The following STPG2 variants were observed in gnomAD, a reference collection of about 807,000 sequenced individuals.
STPG2 encodes sperm tail PG-rich repeat containing 2, also known as sperm-tail PG-rich repeat-containing protein 2.
A neutral mutation model predicts 54.2 loss-of-function variants in STPG2; 56 were observed. That is an observed-to-expected ratio of 1.03 (90% confidence interval 0.83 to 1.29). The LOEUF (loss-of-function observed/expected upper bound fraction) is 1.29. STPG2 is among the 50% of genes most tolerant of loss of function. STPG2 has a pLI of 0.00. For missense variants in STPG2, 596 were observed against 544.9 expected (o/e 1.09, Z -0.93); for synonymous variants, 200 against 181.8 (o/e 1.10, Z -0.81).
chr4:97,991,709 A>G (rs1233623190), intron 5 of STPG2, among the ~76,000 whole-genome samples: 1 of 152,074 alleles, frequency 6.6e-6, no homozygotes, highest in Non-Finnish European at 1.5e-5. Context: ...TTAATAGTTT[A>G]TATTCCCACC....
chr4:97,695,125 A>C (rs1021535989), intron 10 of STPG2, among the ~76,000 whole-genome samples: 2 of 151,960 alleles, frequency 1.3e-5, no homozygotes. Flanking sequence ...ACCCAAAAGC[A>C]TATAAAAAAG....
At chr4:97,698,148 A>C (rs549299233) in intron 10 of STPG2, among the ~76,000 whole-genome samples, 1 of 151,262 alleles carries the variant, frequency 6.6e-6, no homozygotes, top group African/African-American at 2.4e-5. Flanking sequence ...TTCAGCAAGA[A>C]CCTCAGCAGG....
chr4:98,074,955 ACT>A (rs60423323), intron 5 of STPG2, among the ~76,000 whole-genome samples: 59,349 of 151,740 alleles, frequency 0.39, 11,808 homozygotes, highest in Middle Eastern at 0.46. Context: ...AAAAATATAA[ACT>A]CTGAATTATG....
At chr4:97,791,912 G>A in intron 9 of STPG2, among the ~76,000 whole-genome samples, 1 of 151,340 alleles carries the variant, frequency 6.6e-6, no homozygotes, top group South Asian at 2.1e-4. Context: ...TATAGCAAAA[G>A]GAAAAAAAAT....
intron 10 of STPG2, among the ~76,000 whole-genome samples, chr4:97,667,977 T>G (rs747552310): frequency 7.9e-5 from 12 of 152,216 alleles, no homozygotes; most frequent in Admixed American, 1.3e-4. Flanking sequence ...GATTTATTTA[T>G]ATAACAGGAT....
chr4:97,443,285 C>T (rs772112902), intron 4 of STPG2, among the ~76,000 whole-genome samples: 1 of 152,090 alleles, frequency 6.6e-6, no homozygotes, highest in Non-Finnish European at 1.5e-5. Flanking sequence ...TTGGCCTTAT[C>T]GGGATCTCTA....
intron 8 of STPG2, among the ~76,000 whole-genome samples, chr4:97,928,519 T>C (rs529547104): frequency 1.3e-5 from 2 of 152,308 alleles, no homozygotes; most frequent in East Asian, 3.9e-4. Context: ...TATAATCATA[T>C]ACAAGGGTCT....
chr4:97,451,201 T>C (rs1466537924), intron 4 of STPG2, among the ~76,000 whole-genome samples: 1 of 151,590 alleles, frequency 6.6e-6, no homozygotes, highest in Non-Finnish European at 1.5e-5. Context: ...TGTCAGAGAG[T>C]GGTATGTTAG....
intron 7 of STPG2, among the ~76,000 whole-genome samples, chr4:97,951,012 T>TGCA (rs1204927574): frequency 1.3e-5 from 2 of 152,146 alleles, no homozygotes; most frequent in Non-Finnish European, 2.9e-5. Context: ...TTACAGACCC[T>TGCA]GCACTTGATG....
chr4:97,512,942 C>G (rs1731003267), intron 4 of STPG2, among the ~76,000 whole-genome samples: 1 of 152,076 alleles, frequency 6.6e-6, no homozygotes, highest in South Asian at 2.1e-4. Flanking sequence ...CTGACACTAT[C>G]TACCTGGAGA....
chr4:97,503,480 G>A (rs1730771194), intron 4 of STPG2, among the ~76,000 whole-genome samples: 1 of 151,494 alleles, frequency 6.6e-6, no homozygotes, highest in Admixed American at 6.6e-5. Flanking sequence ...ATATTCTAGT[G>A]TATTTCCTTA....
chr4:97,779,368 G>C (rs1006212332), intron 9 of STPG2, among the ~76,000 whole-genome samples: 1 of 152,106 alleles, frequency 6.6e-6, no homozygotes, highest in African/African-American at 2.4e-5. Flanking sequence ...GAAGTGAGAA[G>C]AGAAGTTTAG....
rs528069995 is a variant in STPG2 at position 97,631,196 on chromosome 4, A to G, written c.1321-72079T>C. 8.9e-4 allele frequency among the ~76,000 whole-genome samples: 135 copies of G among 152,164 alleles called. 1 individual carries two copies. The highest frequency in any genetic ancestry group is 3.2e-3 in the African/African-American group (133 of 41,582). ...AGAAGAAAAGTATTACAGAACCACT[A>G]TCTTAATGTTATTATTTCCTTGACA... On this transcript the variant is annotated intron_variant, in intron 10 of 10. Coordinates refer to ENST00000295268, the MANE Select transcript of STPG2 (RefSeq NM_174952.3).
chr4:97,838,958 TTACTGGTA>T (rs1465473769), intron 9 of STPG2, among the ~76,000 whole-genome samples: 2 of 151,506 alleles, frequency 1.3e-5, no homozygotes, highest in East Asian at 3.9e-4. Context: ...ACTTCATGAA[TTACTGGTA>T]TTAACCAACA....
At chr4:98,098,318 CA>C (rs1738921885) in intron 5 of STPG2, among the ~76,000 whole-genome samples, 1 of 151,994 alleles carries the variant, frequency 6.6e-6, no homozygotes, top group South Asian at 2.1e-4. Flanking sequence ...AAAAAACCCA[CA>C]CACCTATAGT....
intron 4 of STPG2, among the ~76,000 whole-genome samples, chr4:97,505,043 ATTT>A (rs532296659): frequency 1.3e-5 from 2 of 148,184 alleles, no homozygotes; most frequent in African/African-American, 4.9e-5. Context: ...TTACAGTGGT[ATTT>A]TTTTTTTTCA....
chr4:97,988,835 T>G (rs1734907502), intron 5 of STPG2, among the ~76,000 whole-genome samples: 1 of 152,162 alleles, frequency 6.6e-6, no homozygotes, highest in South Asian at 2.1e-4. Context: ...CAGACTGGTC[T>G]TGAACCGAGC....
chr4:98,039,096 T>C (rs898112002), intron 5 of STPG2, among the ~76,000 whole-genome samples: 4 of 151,974 alleles, frequency 2.6e-5, no homozygotes, highest in African/African-American at 9.7e-5. Context: ...AAAATGCACA[T>C]ACCTTACAAA....
intron 8 of STPG2, among the ~76,000 whole-genome samples, chr4:97,933,051 A>C (rs1325077345): frequency 1.3e-5 from 2 of 152,112 alleles, no homozygotes; most frequent in African/African-American, 2.4e-5. Context: ...CTTTTTAATA[A>C]TCACTATTCT....
Sources: allele counts gnomAD v4.1 joint callset (sites outside exome capture counted in the v4.1 genomes callset), GRCh38; gene constraint gnomAD v4.1.1; transcripts MANE v1.5; gene names NCBI Gene and HGNC (gene_info 2026-07-23, HGNC 2026-07-21).